The following PSPH variants were observed in gnomAD, a reference collection of about 807,000 sequenced individuals.
PSPH encodes the protein L-3-phosphoserine phosphatase.
Under a neutral mutation model 23.4 loss-of-function variants are expected in PSPH, and 16 were observed. That is an observed-to-expected ratio of 0.68 (90% confidence interval 0.46 to 1.04). The LOEUF is 1.04. Ranked by LOEUF, PSPH falls within the 50% of genes least tolerant of loss-of-function variation. The pLI is 0.00. For synonymous variants in PSPH, 68 were observed against 99.7 expected (o/e 0.68, Z 1.89); for missense variants, 223 against 273.7 (o/e 0.81, Z 1.31).
At chr7:56,040,904 A>G (rs532296262) in intron 1 of PSPH, among the ~76,000 whole-genome samples, 1 of 152,202 alleles carries the variant, frequency 6.6e-6, no homozygotes, top group African/African-American at 2.4e-5. Flanking sequence ...GCAAGCCTCA[A>G]TCAAGCAGAA....
intron 6 of PSPH, 148 bp downstream of exon 6, chr7:56,017,086 C>T: frequency 2.1e-6 from 3 of 1,409,536 alleles, no homozygotes; most frequent in South Asian, 2.7e-5. Flanking sequence ...CAAAGGGTAC[C>T]AAAGGGCAAA....
intron 1 of PSPH, among the ~76,000 whole-genome samples, chr7:56,036,095 G>C (rs1164528856): frequency 6.6e-6 from 1 of 151,936 alleles, no homozygotes; most frequent in Non-Finnish European, 1.5e-5. Context: ...CTGGCATGGT[G>C]GTGCATGGAT....
intron 3 of PSPH, among the ~76,000 whole-genome samples, chr7:56,022,295 C>T (rs577340878): frequency 7.6e-4 from 115 of 152,226 alleles, no homozygotes; most frequent in Middle Eastern, 3.4e-3. Context: ...GATCGTGCCA[C>T]TGCACTCCAG....
At chr7:56,042,510 G>A (rs1792679734) in intron 1 of PSPH, among the ~76,000 whole-genome samples, 1 of 152,052 alleles carries the variant, frequency 6.6e-6, no homozygotes, top group African/African-American at 2.4e-5. Flanking sequence ...AATTATCCAG[G>A]TGTGGTGACG....
chr7:56,041,082 T>G (rs1792465888), intron 1 of PSPH, among the ~76,000 whole-genome samples: 1 of 152,128 alleles, frequency 6.6e-6, no homozygotes, highest in South Asian at 2.1e-4. Flanking sequence ...CATTCTGTTT[T>G]GGCCAGCACA....
At chr7:56,033,507 A>AT (rs1356184498) in intron 2 of PSPH, 5 of 150,992 alleles carry the variant, frequency 3.3e-5, no homozygotes, top group South Asian at 2.1e-4. Flanking sequence ...GAAAAAAAAA[A>AT]AAATAAATAA....
At chr7:56,037,903 G>A (rs953359104) in intron 1 of PSPH, among the ~76,000 whole-genome samples, 9 of 151,266 alleles carry the variant, frequency 5.9e-5, no homozygotes, top group African/African-American at 1.7e-4. Context: ...AGTACAGACG[G>A]GGTTTCACCA....
intron 1 of PSPH, among the ~76,000 whole-genome samples, chr7:56,042,203 A>G (rs1792640400): frequency 6.7e-6 from 1 of 148,206 alleles, no homozygotes; most frequent in Non-Finnish European, 1.5e-5. Flanking sequence ...TGGGCGACAG[A>G]GCGAGATTCT....
chr7:56,026,602 A>G (rs1412360076), intron 3 of PSPH, among the ~76,000 whole-genome samples: 1 of 151,526 alleles, frequency 6.6e-6, no homozygotes, highest in East Asian at 1.9e-4. Context: ...GGAGTTTGAG[A>G]CCAGCCTGGC....
intron 6 of PSPH, among the ~76,000 whole-genome samples, chr7:56,016,736 A>C (rs1788609419): frequency 1.3e-5 from 2 of 151,464 alleles, no homozygotes; most frequent in African/African-American, 4.9e-5. Context: ...ATGCCCAGCT[A>C]ATTTTTGTAT....
intron 3 of PSPH, among the ~76,000 whole-genome samples, chr7:56,027,521 C>T (rs566788431): frequency 1.3e-4 from 20 of 151,314 alleles, no homozygotes; most frequent in African/African-American, 2.2e-4. Context: ...GTCAGGAGTT[C>T]GAGACCACCC....
chr7:56,019,450 A>G (rs2054386650), intron 5 of PSPH, 150 bp downstream of exon 5: 5 of 1,113,258 alleles, frequency 4.5e-6, no homozygotes, highest in Non-Finnish European at 6.1e-6. Flanking sequence ...AAAAAATACA[A>G]TTTAAAAAAA....
chr7:56,048,060 C>A (rs1352740623), intron 1 of PSPH, among the ~76,000 whole-genome samples: 1 of 152,104 alleles, frequency 6.6e-6, no homozygotes, highest in Non-Finnish European at 1.5e-5. Context: ...AGGCAGATCA[C>A]CTGAGGTCAG....
intron 1 of PSPH, among the ~76,000 whole-genome samples, chr7:56,042,682 A>G: frequency 6.6e-6 from 1 of 151,528 alleles, no homozygotes; most frequent in Admixed American, 6.6e-5. Flanking sequence ...AGGATGTAGA[A>G]GGAAAACACA....
chr7:56,026,486 C>T (rs1054282756), intron 3 of PSPH, among the ~76,000 whole-genome samples: 1 of 80,378 alleles, frequency 1.2e-5, no homozygotes, highest in East Asian at 5.3e-4. Flanking sequence ...GAGACTCCAT[C>T]TCAAAAAAAA....
intron 3 of PSPH, among the ~76,000 whole-genome samples, chr7:56,029,439 T>C (rs980725850): frequency 2.0e-5 from 3 of 147,960 alleles, no homozygotes; most frequent in African/African-American, 7.5e-5. Flanking sequence ...ACAGAACTTC[T>C]GCCTGGCTGG....
At position 56,011,453 on chromosome 7, in the gene PSPH, T is replaced by C. The variant is rs886062388; in HGVS notation, c.*309A>G. On this transcript the variant is annotated 3_prime_UTR_variant, in exon 8 of 8. Coordinates refer to ENST00000275605, the MANE Select transcript of PSPH (RefSeq NM_004577.4). ...CTGAGGCAGGAGAATGGCGTGAACC[T>C]GGGAGGCAGAGCTTGCAGTGAGCCG... 1.4e-4 allele frequency: 26 copies of C among 187,580 alleles called. 1 individual carries two copies. The South Asian group carries it at 1.6e-3, about 12-fold the overall frequency. The allele number at this position is 187,580 out of a possible 1,614,324, so 11.6% of individuals were successfully genotyped here.
chr7:56,021,095 C>T lies in PSPH; in HGVS notation c.118G>A (p.Val40Ile), dbSNP rs141764548. 4.2e-5 allele frequency: 68 copies of T among 1,614,250 alleles called. No homozygotes were observed. In the Admixed American group the frequency reaches 5.8e-4, roughly 14 times the overall value. The change falls in exon 4 of 8, where the codon GTT becomes ATT. Residue 40 changes from valine to isoleucine, a missense_variant. Physicochemically the swap from Val to Ile is conservative, Grantham distance 29. Coordinates refer to ENST00000275605, the MANE Select transcript of PSPH (RefSeq NM_004577.4). ...TACATTTCTGACACCGCGTCCTCAACGCCACAGATTTTGGCTAGCTCATCG... is the reference window on the plus strand; with the variant it reads ...TACATTTCTGACACCGCGTCCTCAATGCCACAGATTTTGGCTAGCTCATCG... Reference protein sequence around the residue: ...GIDELAKICGVEDAVSEMTRR... With the variant: ...GIDELAKICGIEDAVSEMTRR...
intron 1 of PSPH, among the ~76,000 whole-genome samples, chr7:56,037,173 C>CAAAAAA (rs35759842): frequency 1.2e-5 from 1 of 83,224 alleles, no homozygotes; most frequent in African/African-American, 4.8e-5. Context: ...GACTCTGTCT[C>CAAAAAA]AAAAAAAAAA....
Sources: allele counts gnomAD v4.1 joint callset (sites outside exome capture counted in the v4.1 genomes callset), GRCh38; gene constraint gnomAD v4.1.1; transcripts MANE v1.5; gene names NCBI Gene and HGNC (gene_info 2026-07-23, HGNC 2026-07-21).